The following CAP1 variants were observed in gnomAD, a reference collection of about 807,000 sequenced individuals.
CAP1 encodes the protein adenylyl cyclase-associated protein 1.
In CAP1, 11 loss-of-function variants were observed where a neutral mutation model predicts 58.2. That is an observed-to-expected ratio of 0.19 (90% CI 0.12 to 0.31). The LOEUF (loss-of-function observed/expected upper bound fraction) is 0.31. CAP1 is among the 10% of genes least tolerant of loss of function. CAP1 has a pLI of 1.00. For synonymous variants in CAP1, 183 were observed against 213.8 expected (o/e 0.86, Z 1.26); for missense variants, 423 against 587.5 (o/e 0.72, Z 2.89).
At position 40,069,845 on chromosome 1, in the gene CAP1, C is replaced by T. The variant is rs1159650749; in HGVS notation, c.964C>T (p.Leu322Phe). The T allele has an allele frequency of 3.1e-6, 5 of 1,590,162 alleles. No homozygotes were observed. The Admixed American group carries it at 5.5e-5, about 18-fold the overall frequency. ...KRATKKEPAV[L>F]ELEGKKWRVE... Reference sequence around the variant, plus strand: ...AGCCACAAAGAAGGAGCCAGCTGTACTTGAACTGGAGGGCAAGAAGTGGAG... The same window carrying T: ...AGCCACAAAGAAGGAGCCAGCTGTATTTGAACTGGAGGGCAAGAAGTGGAG... The change falls in exon 9 of 13, where the codon CTT (leucine) becomes TTT (phenylalanine). Residue 322 changes from leucine to phenylalanine, a missense_variant. Leu to Phe is a conservative substitution (Grantham distance 22). Transcript: ENST00000372805.
chr1:40,062,159 TC>T (rs1337090399), intron 4 of CAP1, among the ~76,000 whole-genome samples: 4 of 152,196 alleles, frequency 2.6e-5, no homozygotes, highest in Non-Finnish European at 5.9e-5. Flanking sequence ...TTAGTAGTGC[TC>T]CTGTGGAGAT....
At position 40,060,172 on chromosome 1, in the gene CAP1, TA is replaced by T. The variant is rs773770648; in HGVS notation, c.216+4del. 1 of 1,609,386 alleles carries T rather than the reference TA, an allele frequency of 6.2e-7. No homozygotes were observed. The highest frequency in any genetic ancestry group is 8.5e-7 in the Non-Finnish European group (1 of 1,176,066). ...ATTGGGGGAGACGTGCAGAAACATG[TA>T]AGGATGTTTTGCCTTTTTCCCCTTC... On this transcript the variant is annotated splice_donor_region_variant and intron_variant, in intron 3 of 12. Coordinates refer to ENST00000372805, the MANE Select transcript of CAP1 (RefSeq NM_006367.4).
intron 1 of CAP1, among the ~76,000 whole-genome samples, chr1:40,042,893 G>A (rs891659999): frequency 3.3e-5 from 5 of 152,168 alleles, no homozygotes; most frequent in Admixed American, 2.6e-4. Flanking sequence ...GGTAAGAATA[G>A]CGCGATTGCC....
Position 40,051,402 on chromosome 1 carries a change from A to G in CAP1, c.-10-7935A>G, listed in dbSNP as rs1244191599. On this transcript the variant is annotated intron_variant, in intron 1 of 12. Coordinates refer to ENST00000372805, the MANE Select transcript of CAP1 (RefSeq NM_006367.4). The stretch of plus-strand genomic sequence containing the variant: ...CTGTCTCTATCACACACATACACAC[A>G]CACACACACAAAAGCCAGGCATGGT... Among the ~76,000 whole-genome samples the G allele has an allele frequency of 6.6e-5, 10 of 152,012 alleles. No individual in the cohort carries two copies. The South Asian group carries it at 1.2e-3, about 19-fold the overall frequency.
intron 1 of CAP1, among the ~76,000 whole-genome samples, chr1:40,050,011 A>C (rs1308716684): frequency 1.3e-5 from 2 of 152,172 alleles, no homozygotes; most frequent in Non-Finnish European, 2.9e-5. Flanking sequence ...CCTCCATATA[A>C]GGAAGAACTT....
At chr1:40,060,224 G>C in intron 3 of CAP1, 54 bp downstream of exon 3, 1 of 1,314,854 alleles carries the variant, frequency 7.6e-7, no homozygotes, top group Non-Finnish European at 1.1e-6. Flanking sequence ...GCTTTCTTCA[G>C]TCAGCCAAGG....
intron 1 of CAP1, among the ~76,000 whole-genome samples, chr1:40,042,479 C>G (rs1645880181): frequency 6.6e-6 from 1 of 152,078 alleles, no homozygotes; most frequent in East Asian, 1.9e-4. Flanking sequence ...GGTGCAAGGA[C>G]CTGGAGAACC....
rs538225890 is a variant in CAP1 at position 40,046,126 on chromosome 1, C to T, written c.-11+5325C>T. Reference sequence around the variant, plus strand: ...GTTTGTGTTCCTTGTATTTAGAGTGCTTGGTTTTAGTGGACAGGGACTATC... The same window carrying T: ...GTTTGTGTTCCTTGTATTTAGAGTGTTTGGTTTTAGTGGACAGGGACTATC... On this transcript the variant is annotated intron_variant, in intron 1 of 12. Coordinates refer to ENST00000372805, the MANE Select transcript of CAP1 (RefSeq NM_006367.4). 3.3e-5 allele frequency among the ~76,000 whole-genome samples: 5 copies of T among 152,254 alleles called. No homozygotes were observed. In the East Asian group the frequency reaches 9.6e-4, roughly 29 times the overall value.
At chr1:40,068,588 ATGT>A (rs1390367867) in intron 8 of CAP1, among the ~76,000 whole-genome samples, 1 of 151,454 alleles carries the variant, frequency 6.6e-6, no homozygotes, top group Non-Finnish European at 1.5e-5. Flanking sequence ...TCTTGATGAA[ATGT>A]TGTGCCACCA....
At chr1:40,060,208 C>A in intron 3 of CAP1, 38 bp downstream of exon 3, 1 of 1,500,812 alleles carries the variant, frequency 6.7e-7, no homozygotes, top group Non-Finnish European at 9.3e-7. Flanking sequence ...CTTTTAAGGA[C>A]TAACAGCTTT....
intron 7 of CAP1, among the ~76,000 whole-genome samples, chr1:40,066,646 A>G (rs549632014): frequency 1.3e-5 from 2 of 152,316 alleles, no homozygotes; most frequent in East Asian, 3.9e-4. Context: ...ACCCCAATAC[A>G]AATCACCAAG....
intron 6 of CAP1, among the ~76,000 whole-genome samples, chr1:40,065,284 G>T (rs908258129): frequency 5.9e-5 from 9 of 152,210 alleles, no homozygotes; most frequent in African/African-American, 2.2e-4. Flanking sequence ...CAGGTATTAC[G>T]TAGGGCAGTC....
At chr1:40,046,036 T>C (rs374103422) in intron 1 of CAP1, among the ~76,000 whole-genome samples, 2 of 152,330 alleles carry the variant, frequency 1.3e-5, no homozygotes, top group African/African-American at 4.8e-5. Context: ...AGAAGCAAGC[T>C]TCTTGTTGAT....
chr1:40,071,396 C>A, intron 12 of CAP1, 54 bp from the exon 13 acceptor site: 1 of 1,261,698 alleles, frequency 7.9e-7, no homozygotes, highest in South Asian at 1.2e-5. Flanking sequence ...TGAGATTTAG[C>A]CCCAGCTGTT....
intron 4 of CAP1, among the ~76,000 whole-genome samples, chr1:40,062,052 G>A (rs945060447): frequency 1.3e-5 from 2 of 152,098 alleles, no homozygotes; most frequent in African/African-American, 4.8e-5. Flanking sequence ...GGTTATCCCT[G>A]GGACTTTGCT....
chr1:40,066,253 G>T lies in CAP1; in HGVS notation c.563G>T (p.Ser188Ile), dbSNP rs1051650938. The T allele has an allele frequency of 6.2e-7, 1 of 1,611,282 alleles. No homozygotes were observed. Among genetic ancestry groups the T allele is most frequent in the Non-Finnish European group, 8.5e-7 (1 of 1,178,216 alleles). Residue 188 changes from serine to isoleucine, a missense_variant, in exon 7 of 13, where the codon AGT (serine) becomes ATT (isoleucine). Coordinates refer to ENST00000372805, the MANE Select transcript of CAP1 (RefSeq NM_006367.4). Reference sequence around the variant, plus strand: ...GTAGACTGGGTCAAAGCTTATTTAAGTATATGGACAGAGCTGCAGGCTTAC... The same window carrying T: ...GTAGACTGGGTCAAAGCTTATTTAATTATATGGACAGAGCTGCAGGCTTAC... ...KHVDWVKAYL[S>I]IWTELQAYIK...
At chr1:40,047,239 A>T (rs1043445950) in intron 1 of CAP1, among the ~76,000 whole-genome samples, 2 of 152,210 alleles carry the variant, frequency 1.3e-5, no homozygotes, top group African/African-American at 4.8e-5. Flanking sequence ...ATAATTTTAA[A>T]TTAATGCAGC....
intron 1 of CAP1, among the ~76,000 whole-genome samples, chr1:40,046,512 A>G (rs1646113500): frequency 6.6e-6 from 1 of 152,146 alleles, no homozygotes; most frequent in Non-Finnish European, 1.5e-5. Flanking sequence ...AAAGTTGCAT[A>G]TAGTTTATGG....
At chr1:40,069,491 T>C (rs1403116493) in intron 8 of CAP1, 199 bp from the exon 9 acceptor site, 1 of 584,162 alleles carries the variant, frequency 1.7e-6, no homozygotes, top group South Asian at 2.0e-5. Context: ...ACATTCCATG[T>C]TGTTGTTAAT....
Sources: gnomAD v4.1 joint callset for allele counts (sites outside exome capture counted in the v4.1 genomes callset) on GRCh38, gnomAD v4.1.1 for gene constraint, MANE v1.5 for transcripts, NCBI Gene and HGNC (gene_info 2026-07-23, HGNC 2026-07-21) for gene names.